Variants in ABLIM1 observed in about 807,000 individuals in gnomAD.
The protein encoded by ABLIM1 is actin binding LIM protein 1.
ABLIM1 carries 40 observed loss-of-function variants against 107.0 expected under a neutral mutation model. The ratio of observed to expected loss-of-function variants is 0.37; its 90% confidence interval spans 0.29 to 0.49. The LOEUF is 0.49. ABLIM1 is among the 20% of genes least tolerant of loss of function. The pLI is 0.97. For missense variants in ABLIM1, 857 were observed against 1,008.5 expected, an observed-to-expected ratio of 0.85 and a Z score of 2.04; for synonymous variants, 357 against 357.3, an observed-to-expected ratio of 1.00 and a Z score of 0.01.
intron 14 of ABLIM1, chr10:114,450,034 G>A (rs901942090): frequency 6.9e-6 from 2 of 290,788 alleles, no homozygotes; most frequent in Admixed American, 5.4e-5. Context: ...TGTTCAGAGA[G>A]GAGGACCTAA....
intron 1 of ABLIM1, among the ~76,000 whole-genome samples, chr10:114,635,373 C>G (rs1175645588): frequency 6.6e-6 from 1 of 152,354 alleles, no homozygotes; most frequent in Admixed American, 6.5e-5. Flanking sequence ...ACAAGCAACC[C>G]GGCAGAGTCC....
At chr10:114,649,476 A>C (rs891620026) in intron 1 of ABLIM1, among the ~76,000 whole-genome samples, 2 of 151,762 alleles carry the variant, frequency 1.3e-5, no homozygotes, top group Admixed American at 1.3e-4. Flanking sequence ...TCAAAGGTTT[A>C]TTTCTACCTT....
intron 1 of ABLIM1, among the ~76,000 whole-genome samples, chr10:114,740,769 C>T (rs1283298709): frequency 4.0e-5 from 6 of 151,808 alleles, no homozygotes; most frequent in Non-Finnish European, 2.9e-5. Context: ...GTTGGCTGGG[C>T]GTGGTGGCTC....
chr10:114,799,606 C>G, the ABLIM1 span, among the ~76,000 whole-genome samples: 1 of 152,188 alleles, frequency 6.6e-6, no homozygotes, highest in African/African-American at 2.4e-5. Flanking sequence ...TCAGCAACTC[C>G]CACCTGTTCT....
At chr10:114,584,737 G>A (rs2073998892) in intron 2 of ABLIM1, among the ~76,000 whole-genome samples, 1 of 152,180 alleles carries the variant, frequency 6.6e-6, no homozygotes, top group Non-Finnish European at 1.5e-5. Context: ...TGGGAAAGAT[G>A]ATAGTTACAA....
At chr10:114,517,844 T>C (rs1331811437) in intron 6 of ABLIM1, among the ~76,000 whole-genome samples, 1 of 152,136 alleles carries the variant, frequency 6.6e-6, no homozygotes, top group Non-Finnish European at 1.5e-5. Flanking sequence ...CAAAACCCCC[T>C]TTGGAAACAT....
At chr10:114,610,366 T>C (rs1450123423) in intron 1 of ABLIM1, among the ~76,000 whole-genome samples, 1 of 152,194 alleles carries the variant, frequency 6.6e-6, no homozygotes, top group Non-Finnish European at 1.5e-5. Flanking sequence ...CTCCTCTGTA[T>C]GGTAAGGTTG....
intron 1 of ABLIM1, among the ~76,000 whole-genome samples, chr10:114,652,728 T>C (rs1042514312): frequency 4.6e-5 from 7 of 152,212 alleles, no homozygotes; most frequent in Non-Finnish European, 8.8e-5. Context: ...CAGTCTCTTG[T>C]TTGTTTGTCA....
intron 6 of ABLIM1, among the ~76,000 whole-genome samples, chr10:114,495,401 T>C (rs58759047): frequency 0.014 from 2,143 of 152,066 alleles, 66 homozygotes; most frequent in African/African-American, 0.049. Context: ...GTGGTGGTGA[T>C]GGTGATGATG....
intron 1 of ABLIM1, among the ~76,000 whole-genome samples, chr10:114,621,095 A>C (rs1328333325): frequency 6.6e-6 from 1 of 152,172 alleles, no homozygotes; most frequent in Non-Finnish European, 1.5e-5. Flanking sequence ...CAGGAGGCAT[A>C]CTTTATTGCT....
chr10:114,663,224 T>C (rs1399401350), upstream of ABLIM1, among the ~76,000 whole-genome samples: 1 of 152,222 alleles, frequency 6.6e-6, no homozygotes, highest in Non-Finnish European at 1.5e-5. Flanking sequence ...ACCTCCTCCA[T>C]ACAGGCTTCC....
Position 114,707,673 on chromosome 10 carries a change from G to C in ABLIM1, c.-213+60388C>G, listed in dbSNP as rs2081451413. Among the ~76,000 whole-genome samples the C allele has an allele frequency of 6.6e-6, 1 of 152,084 alleles. No homozygotes were observed. The highest frequency in any genetic ancestry group is 1.5e-5 in the Non-Finnish European group (1 of 68,032). ...CCAACACTTTGGGAGGCCGTGGTGG[G>C]CGGATCACTTAAGGCCAGGAGTTCG... On this transcript the variant is annotated intron_variant, in intron 1 of 15. Coordinates refer to the ABLIM1 transcript ENST00000651092. This position sits in a 1 kb window ranked among gnomAD's most constrained non-coding sequence, Gnocchi z 4.1.
chr10:114,564,498 C>A (rs1234200925), intron 4 of ABLIM1, among the ~76,000 whole-genome samples: 1 of 151,728 alleles, frequency 6.6e-6, no homozygotes, highest in African/African-American at 2.4e-5. Flanking sequence ...GTCTCAAACT[C>A]CTGACCTCAT....
At chr10:114,750,824 C>T (rs2082494324) in intron 1 of ABLIM1, among the ~76,000 whole-genome samples, 1 of 152,126 alleles carries the variant, frequency 6.6e-6, no homozygotes, top group South Asian at 2.1e-4. Flanking sequence ...ATGAATAATA[C>T]AAAAGTAGAA....
At chr10:114,670,997 T>C (rs1370184052) in intron 1 of ABLIM1, among the ~76,000 whole-genome samples, 1 of 152,240 alleles carries the variant, frequency 6.6e-6, no homozygotes, top group Non-Finnish European at 1.5e-5. Context: ...TTTTTACATG[T>C]GTGTACAACT....
chr10:114,536,547 C>T (rs1425270840), intron 6 of ABLIM1, among the ~76,000 whole-genome samples: 1 of 152,054 alleles, frequency 6.6e-6, no homozygotes, highest in Non-Finnish European at 1.5e-5. Flanking sequence ...CGCACCTGGC[C>T]CTGACTTTTT....
At chr10:114,553,033 C>T (rs1231017073) in intron 4 of ABLIM1, among the ~76,000 whole-genome samples, 1 of 152,172 alleles carries the variant, frequency 6.6e-6, no homozygotes, top group Non-Finnish European at 1.5e-5. Context: ...ATCTCCTGGG[C>T]AGCAATTAAG....
intron 6 of ABLIM1, among the ~76,000 whole-genome samples, chr10:114,535,804 C>T (rs1419868400): frequency 6.6e-6 from 1 of 152,154 alleles, no homozygotes; most frequent in Non-Finnish European, 1.5e-5. Flanking sequence ...GTTTGAATCA[C>T]ATGGTTCCCT....
intron 2 of ABLIM1, among the ~76,000 whole-genome samples, chr10:114,585,627 C>A (rs970162389): frequency 2.6e-5 from 4 of 152,126 alleles, no homozygotes; most frequent in Non-Finnish European, 4.4e-5. Flanking sequence ...CCCCCCACAT[C>A]TTCCAAACAT....
Sources: allele counts gnomAD v4.1 joint callset (sites outside exome capture counted in the v4.1 genomes callset), GRCh38; gene constraint gnomAD v4.1.1; non-coding constraint Gnocchi (gnomAD v3.1); transcripts MANE v1.5; gene names NCBI Gene and HGNC (gene_info 2026-07-23, HGNC 2026-07-21).